The following UBAP1 variants were observed in gnomAD, a reference collection of about 807,000 sequenced individuals.
UBAP1 encodes ubiquitin-associated protein 1.
Under a neutral mutation model 39.0 loss-of-function variants are expected in UBAP1, and 5 were observed. That is an observed-to-expected ratio of 0.13 (90% CI 0.07 to 0.27). The LOEUF (loss-of-function observed/expected upper bound fraction) is 0.27. Among genes scored for constraint, UBAP1 ranks in the 10% least tolerant of loss-of-function variants. The pLI, the probability that UBAP1 is intolerant of heterozygous loss-of-function variation, is 1.00. For missense variants in UBAP1, 490 were observed against 608.1 expected (o/e 0.81, Z 2.04); for synonymous variants, 211 against 225.1 (o/e 0.94, Z 0.56).
At chr9:34,243,233 C>G (rs554272266) in intron 4 of UBAP1, among the ~76,000 whole-genome samples, 1 of 152,282 alleles carries the variant, frequency 6.6e-6, no homozygotes, top group South Asian at 2.1e-4. Context: ...TGGAAAAGAT[C>G]AGGGATCCTT....
intron 1 of UBAP1, among the ~76,000 whole-genome samples, chr9:34,196,724 C>T (rs527944897): frequency 4.6e-5 from 7 of 151,976 alleles, no homozygotes; most frequent in Non-Finnish European, 8.8e-5. Flanking sequence ...GGATTACAAG[C>T]GTGAGCCACC....
chr9:34,180,230 G>T (rs552197613), intron 1 of UBAP1, among the ~76,000 whole-genome samples: 1 of 152,074 alleles, frequency 6.6e-6, no homozygotes, highest in African/African-American at 2.4e-5. Context: ...AAAAGTTTCC[G>T]TATTGGCCGG....
chr9:34,240,067 G>A (rs1833883749), intron 3 of UBAP1, among the ~76,000 whole-genome samples: 2 of 152,094 alleles, frequency 1.3e-5, no homozygotes, highest in Non-Finnish European at 2.9e-5. Context: ...GTTAGTTATA[G>A]CCTCCATTTT....
At chr9:34,224,258 G>T in intron 2 of UBAP1, 1 of 476,666 alleles carries the variant, frequency 2.1e-6, no homozygotes, top group Middle Eastern at 3.5e-4. Flanking sequence ...CAGGGGTAGC[G>T]CATAGTGGGA....
intron 1 of UBAP1, among the ~76,000 whole-genome samples, chr9:34,218,657 G>T (rs78582494): frequency 6.6e-6 from 1 of 152,126 alleles, no homozygotes; most frequent in Non-Finnish European, 1.5e-5. Flanking sequence ...TGTGAGACCG[G>T]GTGCAGTGGC....
chr9:34,206,354 C>CA (rs1352864212), intron 1 of UBAP1: 12 of 152,000 alleles, frequency 7.9e-5, no homozygotes, highest in African/African-American at 2.7e-4. Context: ...CCCATCTCTA[C>CA]AAAAAATTAG....
intron 1 of UBAP1, among the ~76,000 whole-genome samples, chr9:34,181,730 C>T (rs1231695430): frequency 8.1e-6 from 1 of 123,150 alleles, no homozygotes; most frequent in Non-Finnish European, 1.8e-5. Context: ...CCGTGCCAGG[C>T]CTTTTTTTTT....
At chr9:34,198,590 C>T (rs895018459) in intron 1 of UBAP1, among the ~76,000 whole-genome samples, 2 of 152,182 alleles carry the variant, frequency 1.3e-5, no homozygotes, top group Admixed American at 1.3e-4. Flanking sequence ...GTTGGGCTCT[C>T]TGGTTGGGTG....
rs1491429494 is a variant in UBAP1, at chr9:34,182,681, T to TTCTTTCTTTCTTTCTCTCTCTCTC, written c.-8+3444_-8+3445insTTCTTTCTTTCTCTCTCTCTCTCT. On this transcript the variant is annotated intron_variant, in intron 1 of 6. Transcript: ENST00000297661. ...TTTCTTTCTTTCTTTCTTTCTTTCTTTCTCTCTCTCTTTCTTTTCTTTTCT... is the reference window on the plus strand; with the variant it reads ...TTTCTTTCTTTCTTTCTTTCTTTCTTTCTTTCTTTCTTTCTCTCTCTCTCTCTCTCTCTCTTTCTTTTCTTTTCT... 2.0e-4 allele frequency among the ~76,000 whole-genome samples: 23 copies of TTCTTTCTTTCTTTCTCTCTCTCTC among 115,592 alleles called. No homozygotes were observed. In the East Asian group the frequency reaches 2.6e-3, roughly 13 times the overall value. 75.8% of individuals were successfully genotyped at this position (115,592 alleles called of 152,430 possible). A position where few individuals can be genotyped will look rare whatever the true frequency, so the allele number is the denominator to read the frequency against.
intron 4 of UBAP1, among the ~76,000 whole-genome samples, chr9:34,242,805 G>T (rs1834026909): frequency 6.6e-6 from 1 of 152,168 alleles, no homozygotes; most frequent in Non-Finnish European, 1.5e-5. Flanking sequence ...GATTACAGGG[G>T]TGAGCCGCTG....
chr9:34,206,942 A>G (rs1312183382), intron 1 of UBAP1, among the ~76,000 whole-genome samples: 1 of 151,934 alleles, frequency 6.6e-6, no homozygotes, highest in Non-Finnish European at 1.5e-5. Flanking sequence ...CCAGTACGAC[A>G]CAGCTTTCAG....
intron 2 of UBAP1, 66 bp from the exon 3 acceptor site, chr9:34,234,148 CAT>C: frequency 1.3e-6 from 2 of 1,505,842 alleles, no homozygotes; most frequent in Non-Finnish European, 1.8e-6. Context: ...ATCCGTTAGA[CAT>C]AAGATTATGG....
Position 34,220,959 on chromosome 9 carries a change from T to G in UBAP1, c.34+11T>G, listed in dbSNP as rs1273435083. 2 of 1,610,780 alleles carry G rather than the reference T, an allele frequency of 1.2e-6. No individual in the cohort carries two copies. Among genetic ancestry groups the G allele is most frequent in the South Asian group, 2.2e-5 (2 of 90,938 alleles). ...GTGCAGATTTTCATGGTAAGTGGAC[T>G]ATTAGAATCATGGTTTAAGTTATGA... On this transcript the variant is annotated intron_variant, in intron 2 of 6. Coordinates refer to ENST00000297661, the MANE Select transcript of UBAP1 (RefSeq NM_016525.5).
intron 4 of UBAP1, 46 bp downstream of exon 4, chr9:34,242,154 CAG>C (rs1294022686): frequency 1.3e-6 from 2 of 1,513,678 alleles, no homozygotes; most frequent in Admixed American, 4.2e-5. Context: ...TTCCTGATGA[CAG>C]GGATTATGTT....
At chr9:34,233,504 C>A (rs1390933080) in intron 2 of UBAP1, among the ~76,000 whole-genome samples, 2 of 152,008 alleles carry the variant, frequency 1.3e-5, no homozygotes, top group African/African-American at 4.8e-5. Flanking sequence ...CAAGGAGATT[C>A]TTTTCTGGGG....
intron 3 of UBAP1, among the ~76,000 whole-genome samples, chr9:34,235,862 C>A (rs918047149): frequency 1.4e-5 from 2 of 141,358 alleles, no homozygotes; most frequent in Non-Finnish European, 3.1e-5. Context: ...GACGGAGTTT[C>A]ATTCTTGTTG....
At chr9:34,243,282 C>G (rs1443398377) in intron 4 of UBAP1, among the ~76,000 whole-genome samples, 1 of 152,136 alleles carries the variant, frequency 6.6e-6, no homozygotes, top group East Asian at 1.9e-4. Context: ...GTTAGATTAA[C>G]CATTTAGAGA....
intron 1 of UBAP1, among the ~76,000 whole-genome samples, chr9:34,205,507 A>G (rs1051340289): frequency 1.3e-5 from 2 of 152,170 alleles, no homozygotes; most frequent in African/African-American, 4.8e-5. Context: ...CATGTTAGGT[A>G]TAATTATTAG....
chr9:34,240,783 A>G (rs545563026), intron 3 of UBAP1, among the ~76,000 whole-genome samples: 65 of 152,354 alleles, frequency 4.3e-4, no homozygotes, highest in African/African-American at 1.5e-3. Context: ...TTAAGTAGGA[A>G]TAATAGTAGT....
Sources: allele counts gnomAD v4.1 joint callset (sites outside exome capture counted in the v4.1 genomes callset), GRCh38; gene constraint gnomAD v4.1.1; transcripts MANE v1.5; gene names NCBI Gene and HGNC (gene_info 2026-07-23, HGNC 2026-07-21).